NEGR1: variants seen among roughly 807,000 people sequenced by gnomAD.
NEGR1 encodes neuronal growth regulator 1.
NEGR1 carries 10 observed loss-of-function variants against 40.9 expected under a neutral mutation model. The observed-to-expected ratio is 0.24, with a 90% confidence interval of 0.15 to 0.42. The LOEUF is 0.42. Among genes scored for constraint, NEGR1 ranks in the 10% least tolerant of loss-of-function variants. NEGR1 has a pLI of 1.00. For missense variants in NEGR1, 352 were observed against 438.9 expected (o/e 0.80, Z 1.77); for synonymous variants, 185 against 166.8 (o/e 1.11, Z -0.84).
At chr1:72,076,277 A>C (rs530112775) in intron 1 of NEGR1, among the ~76,000 whole-genome samples, 1 of 152,076 alleles carries the variant, frequency 6.6e-6, no homozygotes, top group Non-Finnish European at 1.5e-5. Flanking sequence ...TATAAAAGAG[A>C]CCCTGGAGAG....
intron 5 of NEGR1, among the ~76,000 whole-genome samples, chr1:71,602,790 A>G (rs2101533866): frequency 6.6e-6 from 1 of 152,284 alleles, no homozygotes; most frequent in East Asian, 1.9e-4. Context: ...ACAGGATATA[A>G]ACTGGAGGTG....
At chr1:71,864,094 C>G (rs1173447690) in intron 2 of NEGR1, among the ~76,000 whole-genome samples, 1 of 152,074 alleles carries the variant, frequency 6.6e-6, no homozygotes, top group Non-Finnish European at 1.5e-5. Context: ...TATTTTCTCC[C>G]TTAGAGATGA....
chr1:71,557,194 G>T (rs1570027709), intron 6 of NEGR1, among the ~76,000 whole-genome samples: 2 of 151,688 alleles, frequency 1.3e-5, no homozygotes, highest in Admixed American at 1.3e-4. Flanking sequence ...AAATGCCTTT[G>T]GTTGGTAGAG....
chr1:71,914,004 C>A (rs922815189), intron 2 of NEGR1, among the ~76,000 whole-genome samples: 1 of 152,114 alleles, frequency 6.6e-6, no homozygotes, highest in Non-Finnish European at 1.5e-5. Context: ...ATTAACATAA[C>A]AATTGCTAAA....
chr1:71,905,072 T>C (rs1219793908), intron 2 of NEGR1, among the ~76,000 whole-genome samples: 1 of 152,050 alleles, frequency 6.6e-6, no homozygotes, highest in East Asian at 1.9e-4. Flanking sequence ...AGGGCATTTT[T>C]CCCCCTCAAT....
chr1:71,671,417 A>G (rs1406980036), intron 4 of NEGR1, among the ~76,000 whole-genome samples: 2 of 152,226 alleles, frequency 1.3e-5, no homozygotes, highest in Non-Finnish European at 2.9e-5. Flanking sequence ...TACACTTTTA[A>G]TAATGCACTG....
At chr1:71,482,310 C>G (rs1034091904) in intron 6 of NEGR1, among the ~76,000 whole-genome samples, 2 of 151,764 alleles carry the variant, frequency 1.3e-5, no homozygotes, top group African/African-American at 4.8e-5. Context: ...TGAGAAACAT[C>G]TAGCATGTAT....
Position 71,404,562 on chromosome 1 carries a change from TTCC to T in NEGR1, c.*2881_*2883del, listed in dbSNP as rs1646265969. On this transcript the variant is annotated 3_prime_UTR_variant, in exon 7 of 7. Transcript: ENST00000357731. The stretch of plus-strand genomic sequence containing the variant: ...CTTCCTACCTTCTCCCCTTCCTCCC[TTCC>T]TTCCTTCATTCCTTCCATCCTTCCT... 1 of 143,800 alleles carries T rather than the reference TTCC, an allele frequency of 7.0e-6. No homozygotes were observed. The highest frequency in any genetic ancestry group is 1.5e-5 in the Non-Finnish European group (1 of 65,476). 8.9% of individuals were successfully genotyped at this position (143,800 alleles called of 1,614,324 possible). A position where few individuals can be genotyped will look rare whatever the true frequency, so the allele number is the denominator to read the frequency against.
At chr1:72,021,559 ATAAT>A (rs1277936550) in intron 1 of NEGR1, among the ~76,000 whole-genome samples, 2 of 152,282 alleles carry the variant, frequency 1.3e-5, no homozygotes, top group Non-Finnish European at 2.9e-5. Context: ...AAAAAGAAAC[ATAAT>A]TAGAGATGTG....
At chr1:71,886,210 C>T (rs1660718064) in intron 2 of NEGR1, among the ~76,000 whole-genome samples, 1 of 152,094 alleles carries the variant, frequency 6.6e-6, no homozygotes, top group Non-Finnish European at 1.5e-5. Flanking sequence ...TTCCTGAATT[C>T]AAAACTTGCT....
chr1:72,012,845 A>G (rs1160613476), intron 1 of NEGR1, among the ~76,000 whole-genome samples: 2 of 134,382 alleles, frequency 1.5e-5, no homozygotes, highest in African/African-American at 5.7e-5. Context: ...ATACATACAT[A>G]TATATATATA....
At chr1:72,178,303 C>T (rs1342593479) in intron 1 of NEGR1, among the ~76,000 whole-genome samples, 1 of 151,934 alleles carries the variant, frequency 6.6e-6, no homozygotes, top group Non-Finnish European at 1.5e-5. Context: ...GTGAGTTTTA[C>T]AGTCAGTCCC....
intron 6 of NEGR1, among the ~76,000 whole-genome samples, chr1:71,477,871 C>G (rs766663877): frequency 1.8e-4 from 27 of 150,110 alleles, no homozygotes; most frequent in Non-Finnish European, 1.2e-4. Flanking sequence ...AATAGTCAGA[C>G]AACAATGCTT....
At chr1:71,559,606 C>T (rs1298958611) in intron 6 of NEGR1, among the ~76,000 whole-genome samples, 4 of 151,412 alleles carry the variant, frequency 2.6e-5, no homozygotes, top group African/African-American at 4.8e-5. Context: ...TTCTTTCACC[C>T]CAAAAGTTCC....
intron 1 of NEGR1, among the ~76,000 whole-genome samples, chr1:72,078,101 A>AT (rs1432984723): frequency 2.6e-5 from 4 of 152,326 alleles, no homozygotes; most frequent in African/African-American, 9.6e-5. Context: ...ATTGTTGTCC[A>AT]TTAGTCAGTC....
intron 1 of NEGR1, among the ~76,000 whole-genome samples, chr1:72,123,841 G>C (rs1416360112): frequency 6.6e-6 from 1 of 151,932 alleles, no homozygotes; most frequent in East Asian, 1.9e-4. Context: ...AAAAGCAAAA[G>C]GGAAAATTGA....
intron 1 of NEGR1, among the ~76,000 whole-genome samples, chr1:72,001,051 A>G (rs1379232244): frequency 6.6e-6 from 1 of 152,120 alleles, no homozygotes; most frequent in African/African-American, 2.4e-5. Context: ...AGTAAAGGGA[A>G]CAAAGCAATA....
intron 1 of NEGR1, among the ~76,000 whole-genome samples, chr1:72,154,357 A>G (rs542320766): frequency 6.6e-6 from 1 of 152,142 alleles, no homozygotes; most frequent in South Asian, 2.1e-4. Flanking sequence ...TCTCTGGTCC[A>G]TGAATGGCTA....
At chr1:72,102,037 T>C (rs1648968239) in intron 1 of NEGR1, among the ~76,000 whole-genome samples, 1 of 152,092 alleles carries the variant, frequency 6.6e-6, no homozygotes, top group Non-Finnish European at 1.5e-5. Flanking sequence ...ACCTGAATTG[T>C]TATGCTGACT....
Sources: gnomAD v4.1 joint callset for allele counts (sites outside exome capture counted in the v4.1 genomes callset) on GRCh38, gnomAD v4.1.1 for gene constraint, MANE v1.5 for transcripts, NCBI Gene and HGNC (gene_info 2026-07-23, HGNC 2026-07-21) for gene names.